The following METTL16 variants were observed in gnomAD, a reference collection of about 807,000 sequenced individuals.
METTL16 encodes RNA N(6)-adenosine-methyltransferase METTL16.
METTL16 carries 19 observed loss-of-function variants against 57.9 expected under a neutral mutation model. The observed-to-expected ratio is 0.33, with a 90% confidence interval of 0.23 to 0.48. The LOEUF (loss-of-function observed/expected upper bound fraction) is 0.48, where lower values mean the gene tolerates loss of function less well. Among genes scored for constraint, METTL16 ranks in the 20% least tolerant of loss-of-function variants. METTL16 has a pLI of 0.99. For synonymous variants in METTL16, 246 were observed against 255.6 expected (o/e 0.96, Z 0.36); for missense variants, 434 against 691.5 (o/e 0.63, Z 4.18).
intron 2 of METTL16, among the ~76,000 whole-genome samples, chr17:2,478,301 C>G (rs2067281123): frequency 6.6e-6 from 1 of 152,176 alleles, no homozygotes; most frequent in Non-Finnish European, 1.5e-5. Context: ...TGCATAATAA[C>G]TATTTTACAA....
rs757993905 is a variant in METTL16, at chr17:2,432,057, G to A, written c.888+6052C>T. Among the ~76,000 whole-genome samples the A allele has an allele frequency of 1.5e-4, 23 of 152,118 alleles. 1 individual carries two copies. The highest frequency in any genetic ancestry group is 1.6e-4 in the Non-Finnish European group (11 of 68,026). Reference sequence around the variant, plus strand: ...TCTCCCAGGTTCACGCCGTTCTCCAGCCTCAGCCTCTGGGGTAGCTGGGAC... The same window carrying A: ...TCTCCCAGGTTCACGCCGTTCTCCAACCTCAGCCTCTGGGGTAGCTGGGAC... On this transcript the variant is annotated intron_variant, in intron 8 of 9. Coordinates refer to ENST00000263092, the MANE Select transcript of METTL16 (RefSeq NM_024086.4).
chr17:2,500,651 C>T (rs369276501), intron 2 of METTL16, among the ~76,000 whole-genome samples: 7 of 152,254 alleles, frequency 4.6e-5, no homozygotes, highest in Admixed American at 1.3e-4. Flanking sequence ...TGAATCACCA[C>T]GCCTCTCTCC....
intron 3 of METTL16, among the ~76,000 whole-genome samples, chr17:2,476,125 A>T (rs1216515680): frequency 6.6e-6 from 1 of 152,194 alleles, no homozygotes; most frequent in Non-Finnish European, 1.5e-5. Context: ...ATCAAGGACC[A>T]CAGGGTGGAC....
intron 6 of METTL16, among the ~76,000 whole-genome samples, chr17:2,448,203 A>G (rs1415314161): frequency 5.5e-4 from 78 of 140,690 alleles, no homozygotes; most frequent in Admixed American, 1.9e-3. Context: ...CTGGGAAGTG[A>G]GGAGCCCCTC....
chr17:2,435,366 T>C (rs909793275), intron 8 of METTL16, among the ~76,000 whole-genome samples: 3 of 152,036 alleles, frequency 2.0e-5, no homozygotes, highest in Admixed American at 1.3e-4. Flanking sequence ...TAAAGCAGCA[T>C]CCTCCTCCTT....
At position 2,420,229 on chromosome 17, in the gene METTL16, A is replaced by C. The variant is rs758541217; in HGVS notation, c.1430T>G (p.Leu477Trp). 1 of 1,614,100 alleles carries C rather than the reference A, an allele frequency of 6.2e-7. No homozygotes were observed. The highest frequency in any genetic ancestry group is 8.5e-7 in the Non-Finnish European group (1 of 1,180,016). ...GTTGCTAGAGCCTTGACAACTTTCCAAAACCTCCACCCCTCCCTTTTCCTC... is the reference window on the plus strand; with the variant it reads ...GTTGCTAGAGCCTTGACAACTTTCCCAAACCTCCACCCCTCCCTTTTCCTC... ...RSEEKGGVEV[L>W]ESCQGSSNGA... Residue 477 changes from leucine to tryptophan, a missense_variant, in exon 10 of 10, where the codon TTG becomes TGG. Leu to Trp is a moderately conservative substitution (Grantham distance 61, BLOSUM62 -2). Transcript: ENST00000263092. The surrounding 1 kb of genome is among the most constrained non-coding windows in gnomAD (Gnocchi z 5.4).
chr17:2,433,280 C>T (rs2151546204), intron 8 of METTL16, among the ~76,000 whole-genome samples: 1 of 152,288 alleles, frequency 6.6e-6, no homozygotes, highest in East Asian at 1.9e-4. Flanking sequence ...CATGGGAAGG[C>T]TGTGGAGACA....
At chr17:2,447,917 C>A (rs2067022179) in intron 6 of METTL16, among the ~76,000 whole-genome samples, 1 of 98,148 alleles carries the variant, frequency 1.0e-5, no homozygotes, top group Non-Finnish European at 2.0e-5. Flanking sequence ...GTCAGCCCCC[C>A]GCCCGGCCAG....
chr17:2,459,146 C>T (rs1010546336), intron 6 of METTL16, among the ~76,000 whole-genome samples: 3 of 152,104 alleles, frequency 2.0e-5, no homozygotes, highest in South Asian at 4.1e-4. Context: ...TAAGTAAGCT[C>T]AAGCCACAGG....
intron 2 of METTL16, among the ~76,000 whole-genome samples, chr17:2,494,791 A>G (rs1293270462): frequency 6.6e-6 from 1 of 151,918 alleles, no homozygotes; most frequent in African/African-American, 2.4e-5. Flanking sequence ...TGAGGTCAGG[A>G]GATCGAGACC....
At position 2,491,287 on chromosome 17, in the gene METTL16, T is replaced by C. The variant is rs2067386521; in HGVS notation, c.128+10917A>G. 2.6e-5 allele frequency among the ~76,000 whole-genome samples: 4 copies of C among 152,222 alleles called. No individual in the cohort carries two copies. The South Asian group carries it at 6.2e-4, about 24-fold the overall frequency. On this transcript the variant is annotated intron_variant, in intron 2 of 9. Coordinates refer to ENST00000263092, the MANE Select transcript of METTL16 (RefSeq NM_024086.4). Reference sequence around the variant, plus strand: ...ACATTCAGCTTCCCAAAATAGCCTATTGTCAACAGGCTCATGGCCGATTTC... The same window carrying C: ...ACATTCAGCTTCCCAAAATAGCCTACTGTCAACAGGCTCATGGCCGATTTC...
intron 8 of METTL16, chr17:2,436,827 T>C (rs546212189): frequency 1.3e-5 from 2 of 151,634 alleles, no homozygotes; most frequent in East Asian, 3.9e-4. Context: ...GGTTTTCCTT[T>C]ACCTATAGCA....
chr17:2,449,048 C>T (rs1318805308), intron 6 of METTL16, among the ~76,000 whole-genome samples: 5 of 149,066 alleles, frequency 3.4e-5, no homozygotes, highest in Non-Finnish European at 5.9e-5. Flanking sequence ...AAGTAAAATA[C>T]TAATAAAATA....
rs1340286931 is a variant in METTL16 at position 2,511,841 on chromosome 17, A to G, written c.-83T>C. The G allele has an allele frequency of 2.5e-6, 1 of 398,624 alleles. No individual in the cohort carries two copies. Among genetic ancestry groups the G allele is most frequent in the East Asian group, 3.6e-5 (1 of 28,058 alleles). 24.7% of individuals were successfully genotyped at this position (398,624 alleles called of 1,614,324 possible). A position where few individuals can be genotyped will look rare whatever the true frequency, so the allele number is the denominator to read the frequency against. On this transcript the variant is annotated 5_prime_UTR_variant, in exon 1 of 10. Coordinates refer to ENST00000263092, the MANE Select transcript of METTL16 (RefSeq NM_024086.4). Reference sequence around the variant, plus strand: ...GAATCTTAAAGCAGCCGCATAGCGAAGCTCCTAGAAACGCAGATGATACGC... The same window carrying G: ...GAATCTTAAAGCAGCCGCATAGCGAGGCTCCTAGAAACGCAGATGATACGC...
chr17:2,492,897 C>CAAAAAAAAAAAAAAA (rs56853674), intron 2 of METTL16, among the ~76,000 whole-genome samples: 3 of 75,854 alleles, frequency 4.0e-5, no homozygotes, highest in Non-Finnish European at 4.9e-5. Flanking sequence ...GACTCCGTCT[C>CAAAAAAAAAAAAAAA]AAAAAAAAAA....
chr17:2,434,104 C>A (rs1482618728), intron 8 of METTL16, among the ~76,000 whole-genome samples: 1 of 152,180 alleles, frequency 6.6e-6, no homozygotes, highest in South Asian at 2.1e-4. Context: ...AGAAGAGGGT[C>A]CTAAGCTTTG....
chr17:2,470,735 T>C (rs2067229670), intron 4 of METTL16, among the ~76,000 whole-genome samples: 1 of 152,118 alleles, frequency 6.6e-6, no homozygotes, highest in Non-Finnish European at 1.5e-5. Context: ...TACCTGAACA[T>C]AGGAGGTTGA....
chr17:2,487,032 T>C (rs369240713), intron 2 of METTL16, among the ~76,000 whole-genome samples: 3 of 133,162 alleles, frequency 2.3e-5, no homozygotes, highest in African/African-American at 5.6e-5. Context: ...AAAAAGGCTA[T>C]ATCTAGATAA....
At position 2,496,278 on chromosome 17, in the gene METTL16, TA is replaced by T. The variant is rs901108326; in HGVS notation, c.128+5925del. On this transcript the variant is annotated intron_variant, in intron 2 of 9. Transcript: ENST00000263092. ...TTCTGTCTACTTAGTTAGAAATATT[TA>T]AAAAAAAGTTCCAAATTACGTCAAA... 4.9e-4 allele frequency among the ~76,000 whole-genome samples: 75 copies of T among 151,682 alleles called. 5 individuals carry two copies. The highest frequency in any genetic ancestry group is 1.7e-3 in the African/African-American group (69 of 41,014).
Sources: allele counts gnomAD v4.1 joint callset (sites outside exome capture counted in the v4.1 genomes callset), GRCh38; gene constraint gnomAD v4.1.1; non-coding constraint Gnocchi (gnomAD v3.1); transcripts MANE v1.5; gene names NCBI Gene and HGNC (gene_info 2026-07-23, HGNC 2026-07-21).